The following GRM8 variants were observed in gnomAD, a reference collection of about 807,000 sequenced individuals.
GRM8 encodes metabotropic glutamate receptor 8.
In GRM8, 47 loss-of-function variants were observed where a neutral mutation model predicts 87.2. The ratio of observed to expected loss-of-function variants is 0.54; its 90% CI spans 0.43 to 0.69. The LOEUF is 0.69. GRM8 is among the 30% of genes least tolerant of loss of function. The probability of loss-of-function intolerance (pLI) is 0.00; values close to 1 mark genes in which losing one functional copy is unlikely to be tolerated. For missense variants in GRM8, 1,019 were observed against 1,139.2 expected, an observed-to-expected ratio of 0.89 and a Z score of 1.52; for synonymous variants, 396 against 404.5, an observed-to-expected ratio of 0.98 and a Z score of 0.25.
intron 7 of GRM8, among the ~76,000 whole-genome samples, chr7:126,659,864 A>G (rs1335346113): frequency 6.6e-6 from 1 of 152,050 alleles, no homozygotes; most frequent in African/African-American, 2.4e-5. Context: ...TGGGCCATTT[A>G]CACTTCTTTT....
chr7:126,442,506 C>A (rs968032096), intron 10 of GRM8, among the ~76,000 whole-genome samples: 11 of 151,924 alleles, frequency 7.2e-5, no homozygotes, highest in Admixed American at 7.2e-4. Context: ...AAAGGGTCAT[C>A]CAACTTCCTA....
chr7:126,862,712 G>A (rs898290542), intron 6 of GRM8, among the ~76,000 whole-genome samples: 5 of 151,908 alleles, frequency 3.3e-5, no homozygotes, highest in Admixed American at 6.6e-5. Context: ...TTAGAAAATC[G>A]TTCAGTTAGT....
rs1472977656 is a variant in GRM8, at chr7:126,439,086, C to G, written c.*33G>C. ...CATGTTCATCATTTAAGATCATATACCACATCTCTTCAGATTGTGCCATTT... is the reference window on the plus strand; with the variant it reads ...CATGTTCATCATTTAAGATCATATAGCACATCTCTTCAGATTGTGCCATTT... On this transcript the variant is annotated 3_prime_UTR_variant, in exon 11 of 11. Transcript: ENST00000339582. The G allele has an allele frequency of 7.6e-7, 1 of 1,316,506 alleles. No homozygotes were observed. The highest frequency in any genetic ancestry group is 1.1e-6 in the Non-Finnish European group (1 of 908,852). 81.6% of individuals were successfully genotyped at this position (1,316,506 alleles called of 1,614,324 possible).
intron 7 of GRM8, among the ~76,000 whole-genome samples, chr7:126,767,941 T>C (rs1818372960): frequency 1.3e-5 from 2 of 152,056 alleles, no homozygotes; most frequent in South Asian, 4.1e-4. Flanking sequence ...ATCTGAGCTA[T>C]ATGTTGCCTT....
intron 8 of GRM8, among the ~76,000 whole-genome samples, chr7:126,588,596 T>C (rs1197616906): frequency 2.0e-5 from 3 of 151,862 alleles, no homozygotes; most frequent in Non-Finnish European, 4.4e-5. Context: ...ATGTGACACA[T>C]AGGATTTATG....
intron 2 of GRM8, among the ~76,000 whole-genome samples, chr7:127,176,804 G>T (rs142692414): frequency 5.5e-4 from 84 of 152,300 alleles, no homozygotes; most frequent in Non-Finnish European, 9.4e-4. Flanking sequence ...AGTCAATTTA[G>T]AGAACCAAGT....
intron 9 of GRM8, among the ~76,000 whole-genome samples, chr7:126,482,098 A>G (rs965590014): frequency 6.6e-6 from 1 of 152,064 alleles, no homozygotes; most frequent in Non-Finnish European, 1.5e-5. Context: ...AATCATAAGT[A>G]TGAGACACCA....
At chr7:126,567,365 A>G (rs1794307314) in intron 8 of GRM8, among the ~76,000 whole-genome samples, 1 of 148,358 alleles carries the variant, frequency 6.7e-6, no homozygotes, top group Non-Finnish European at 1.5e-5. Context: ...CAATGAGAAC[A>G]CATGGACACA....
intron 7 of GRM8, among the ~76,000 whole-genome samples, chr7:126,652,699 A>G (rs1804045207): frequency 6.6e-6 from 1 of 152,196 alleles, no homozygotes; most frequent in South Asian, 2.1e-4. Flanking sequence ...TTTGGGGCTC[A>G]AACTGGCTTC....
intron 9 of GRM8, among the ~76,000 whole-genome samples, chr7:126,466,907 T>G (rs1804564404): frequency 6.6e-6 from 1 of 151,954 alleles, no homozygotes; most frequent in Non-Finnish European, 1.5e-5. Context: ...CCCAGTTAAG[T>G]TGACACAAAA....
At chr7:126,535,956 T>C (rs1815647488) in intron 8 of GRM8, among the ~76,000 whole-genome samples, 1 of 152,208 alleles carries the variant, frequency 6.6e-6, no homozygotes, top group South Asian at 2.1e-4. Flanking sequence ...TGAGAGACCC[T>C]GAGCCAGGAA....
intron 3 of GRM8, among the ~76,000 whole-genome samples, chr7:126,923,975 T>C (rs1243421745): frequency 2.6e-5 from 4 of 152,174 alleles, no homozygotes; most frequent in Non-Finnish European, 5.9e-5. Context: ...CTACATGTAT[T>C]TTTTAATGTA....
chr7:127,189,682 G>T (rs1449709467), intron 2 of GRM8, among the ~76,000 whole-genome samples: 2 of 152,172 alleles, frequency 1.3e-5, no homozygotes, highest in Admixed American at 6.5e-5. Flanking sequence ...AACTGTGGGT[G>T]AAAAGAAGTC....
At chr7:126,623,349 CAT>C (rs373890295) in intron 7 of GRM8, among the ~76,000 whole-genome samples, 101 of 152,212 alleles carry the variant, frequency 6.6e-4, no homozygotes, top group Non-Finnish European at 9.4e-4. Flanking sequence ...TGTAAACTAA[CAT>C]ATGAAAAATA....
At chr7:126,677,941 A>G (rs1458662261) in intron 7 of GRM8, among the ~76,000 whole-genome samples, 1 of 152,136 alleles carries the variant, frequency 6.6e-6, no homozygotes, top group Admixed American at 6.5e-5. Context: ...AGCAGCTCTC[A>G]CTGTTTCCTC....
At chr7:127,049,351 T>A (rs757305066) in intron 3 of GRM8, among the ~76,000 whole-genome samples, 13 of 152,184 alleles carry the variant, frequency 8.5e-5, no homozygotes, top group Non-Finnish European at 1.3e-4. Context: ...TTAAACAACA[T>A]AAAAGAAAGT....
chr7:126,828,832 G>C (rs1215528723), intron 6 of GRM8, among the ~76,000 whole-genome samples: 2 of 151,878 alleles, frequency 1.3e-5, no homozygotes, highest in East Asian at 3.9e-4. Flanking sequence ...TTCTCTTGTG[G>C]GCATTTAGTG....
intron 7 of GRM8, among the ~76,000 whole-genome samples, chr7:126,681,131 C>G (rs1807521376): frequency 1.3e-5 from 2 of 152,114 alleles, no homozygotes. Flanking sequence ...TCCTTAATCC[C>G]TATATTTATT....
At chr7:126,577,777 T>C (rs578156417) in intron 8 of GRM8, among the ~76,000 whole-genome samples, 3 of 152,312 alleles carry the variant, frequency 2.0e-5, no homozygotes, top group African/African-American at 4.8e-5. Flanking sequence ...CTCTTGAGCA[T>C]GCTTTCTCCG....
Sources: gnomAD v4.1 joint callset for allele counts (sites outside exome capture counted in the v4.1 genomes callset) on GRCh38, gnomAD v4.1.1 for gene constraint, MANE v1.5 for transcripts, NCBI Gene and HGNC (gene_info 2026-07-23, HGNC 2026-07-21) for gene names.